The following RALB variants were observed in gnomAD, a reference collection of about 807,000 sequenced individuals.
RALB encodes RAS like proto-oncogene B.
A neutral mutation model predicts 21.3 loss-of-function variants in RALB; 16 were observed. The observed-to-expected ratio is 0.75, with a 90% CI of 0.51 to 1.14. The LOEUF is 1.14. Among genes scored for constraint, RALB ranks in the 50% most tolerant of loss-of-function variants. RALB has a pLI of 0.00. For synonymous variants in RALB, 93 were observed against 96.1 expected, an observed-to-expected ratio of 0.97 and a Z score of 0.19; for missense variants, 161 against 256.2, an observed-to-expected ratio of 0.63 and a Z score of 2.54.
At chr2:120,266,414 T>A (rs545022467) in intron 1 of RALB, among the ~76,000 whole-genome samples, 1 of 152,234 alleles carries the variant, frequency 6.6e-6, no homozygotes, top group East Asian at 1.9e-4. Flanking sequence ...CCAGCTAATT[T>A]TTATATTTTT....
intron 1 of RALB, among the ~76,000 whole-genome samples, chr2:120,244,282 T>A (rs1245115599): frequency 6.6e-6 from 1 of 152,166 alleles, no homozygotes; most frequent in African/African-American, 2.4e-5. Flanking sequence ...TCATTGGACA[T>A]CCAGGCCCAG....
chr2:120,244,840 G>A (rs1273509294), intron 1 of RALB, among the ~76,000 whole-genome samples: 1 of 152,196 alleles, frequency 6.6e-6, no homozygotes, highest in Admixed American at 6.5e-5. Flanking sequence ...TTGTCCAGAG[G>A]CAACCTTTAG....
Position 120,242,913 on chromosome 2 carries a change from T to C in RALB, c.19+2788T>C, listed in dbSNP as rs1195940177. Among the ~76,000 whole-genome samples the C allele has an allele frequency of 2.6e-5, 4 of 152,168 alleles. No homozygotes were observed. In the East Asian group the frequency reaches 5.8e-4, roughly 22 times the overall value. Reference sequence around the variant, plus strand: ...CAACACAGCAAGACCACCATCTCTGTTTTTTTAAAAAGTAAATAAAAAAAT... The same window carrying C: ...CAACACAGCAAGACCACCATCTCTGCTTTTTTAAAAAGTAAATAAAAAAAT... On this transcript the variant is annotated intron_variant, in intron 1 of 3. Transcript: ENST00000447591.
At chr2:120,245,612 C>G (rs775975569) in intron 1 of RALB, among the ~76,000 whole-genome samples, 1 of 152,174 alleles carries the variant, frequency 6.6e-6, no homozygotes, top group African/African-American at 2.4e-5. Flanking sequence ...ACCAGGAGGC[C>G]TTGCTCCGGG....
chr2:120,285,967 G>A lies in RALB; in HGVS notation c.208G>A (p.Ala70Thr), dbSNP rs1388854390. 11 of 1,613,838 alleles carry A rather than the reference G, an allele frequency of 6.8e-6. No homozygotes were observed. The highest frequency in any genetic ancestry group is 2.2e-5 in the South Asian group (2 of 91,082). Residue 70 changes from alanine to threonine, a missense_variant, in exon 3 of 5, where the codon GCT becomes ACT. Ala to Thr is a moderately conservative substitution (Grantham distance 58, BLOSUM62 0). Coordinates refer to ENST00000272519, the MANE Select transcript of RALB (RefSeq NM_002881.3). Reference sequence around the variant, plus strand: ...AGTTCAGATAGATATTCTGGACACCGCTGGGCAAGAGGACTACGCAGCCAT... The same window carrying A: ...AGTTCAGATAGATATTCTGGACACCACTGGGCAAGAGGACTACGCAGCCAT... ...EEVQIDILDT[A>T]GQEDYAAIRD...
chr2:120,252,060 A>G (rs1689067249), upstream of RALB, among the ~76,000 whole-genome samples: 1 of 152,148 alleles, frequency 6.6e-6, no homozygotes, highest in South Asian at 2.1e-4. Flanking sequence ...GCAGACGTTT[A>G]AACTGTCAGT....
chr2:120,256,352 T>C (rs1689199145), intron 1 of RALB, among the ~76,000 whole-genome samples: 1 of 151,998 alleles, frequency 6.6e-6, no homozygotes, highest in Non-Finnish European at 1.5e-5. Context: ...ATGATCAAGA[T>C]GGAAGCAGCA....
chr2:120,253,206 C>A, intron 1 of RALB: 3 of 330,392 alleles, frequency 9.1e-6, no homozygotes, highest in Non-Finnish European at 1.3e-5. Context: ...CTGCCTGGGG[C>A]TGAGGAAGTG....
intron 1 of RALB, among the ~76,000 whole-genome samples, chr2:120,255,260 G>T (rs4849843): frequency 0.68 from 102,276 of 149,768 alleles, 34,976 homozygotes; most frequent in Middle Eastern, 0.8. Context: ...AAGACGCTTG[G>T]TTTTTTTTTC....
chr2:120,293,556 C>A lies in RALB; in HGVS notation c.*296C>A. The stretch of plus-strand genomic sequence containing the variant: ...ACAGATAGGAAACAGCTGTTAATTA[C>A]AAAGAGAAAGAATTGTCATAGCATC... On this transcript the variant is annotated 3_prime_UTR_variant, in exon 5 of 5. Transcript: ENST00000272519. 1 of 191,842 alleles carries A rather than the reference C, an allele frequency of 5.2e-6. No individual in the cohort carries two copies. Among genetic ancestry groups the A allele is most frequent in the Non-Finnish European group, 1.1e-5 (1 of 94,454 alleles). 11.9% of individuals were successfully genotyped at this position (191,842 alleles called of 1,614,324 possible).
chr2:120,268,920 T>A (rs1262776144), intron 1 of RALB, among the ~76,000 whole-genome samples: 1 of 122,522 alleles, frequency 8.2e-6, no homozygotes, highest in Non-Finnish European at 1.7e-5. Context: ...AATTCTTTGT[T>A]TATATATAAA....
chr2:120,246,481 G>A (rs2104568017), intron 1 of RALB, among the ~76,000 whole-genome samples: 1 of 152,346 alleles, frequency 6.6e-6, no homozygotes, highest in African/African-American at 2.4e-5. Context: ...GGCCAGGAGA[G>A]CACAGCCGAA....
chr2:120,256,671 C>T (rs1689207890), intron 1 of RALB, among the ~76,000 whole-genome samples: 1 of 152,188 alleles, frequency 6.6e-6, no homozygotes, highest in Non-Finnish European at 1.5e-5. Context: ...AATTAAACCC[C>T]TTTCCTTTAT....
intron 3 of RALB, among the ~76,000 whole-genome samples, chr2:120,289,047 G>T (rs779061419): frequency 1.3e-5 from 2 of 152,096 alleles, no homozygotes; most frequent in Non-Finnish European, 2.9e-5. Context: ...TTTCACTGCA[G>T]GGGGGAGAAA....
At chr2:120,248,586 G>C (rs991413320), upstream of RALB, among the ~76,000 whole-genome samples, 1 of 152,094 alleles carries the variant, frequency 6.6e-6, no homozygotes, top group South Asian at 2.1e-4. Flanking sequence ...GTGGACCCCC[G>C]GAACAGCATC....
chr2:120,260,469 G>A (rs1200056424), intron 1 of RALB, among the ~76,000 whole-genome samples: 1 of 152,274 alleles, frequency 6.6e-6, no homozygotes, highest in African/African-American at 2.4e-5. Flanking sequence ...CTGGGGCCAG[G>A]AGAGCGGTCA....
intron 1 of RALB, among the ~76,000 whole-genome samples, chr2:120,266,987 C>CG (rs1274847367): frequency 6.6e-6 from 1 of 151,866 alleles, no homozygotes; most frequent in Admixed American, 6.6e-5. Context: ...ATGGGCTGGC[C>CG]GGGGGATATC....
At chr2:120,257,543 G>A (rs1461876085) in intron 1 of RALB, among the ~76,000 whole-genome samples, 1 of 151,918 alleles carries the variant, frequency 6.6e-6, no homozygotes, top group African/African-American at 2.4e-5. Context: ...CCTTTGAGTT[G>A]TGCATATTTA....
At position 120,276,493 on chromosome 2, in the gene RALB, C is replaced by T. The variant is rs141199844; in HGVS notation, c.-47-2125C>T. 5.9e-5 allele frequency among the ~76,000 whole-genome samples: 9 copies of T among 152,096 alleles called. No individual in the cohort carries two copies. The East Asian group carries it at 1.7e-3, about 29-fold the overall frequency. ...TGGTGCGTGCCTGTATTCCCAGCTA[C>T]TCAGGAGGCTGAGGCAGGAGAATCA... On this transcript the variant is annotated intron_variant, in intron 1 of 4. Transcript: ENST00000272519.
Sources: allele counts gnomAD v4.1 joint callset (sites outside exome capture counted in the v4.1 genomes callset), GRCh38; gene constraint gnomAD v4.1.1; transcripts MANE v1.5; gene names NCBI Gene and HGNC (gene_info 2026-07-23, HGNC 2026-07-21).